The following ADCY9 variants were observed in gnomAD, a reference collection of about 807,000 sequenced individuals.
ADCY9 encodes the protein adenylate cyclase type 9.
ADCY9 carries 50 observed loss-of-function variants against 101.5 expected under a neutral mutation model. That is an observed-to-expected ratio of 0.49 (90% CI 0.39 to 0.62). The LOEUF (loss-of-function observed/expected upper bound fraction) is 0.62. Ranked by LOEUF, ADCY9 falls within the 20% of genes least tolerant of loss-of-function variation. The pLI, the probability that ADCY9 is intolerant of heterozygous loss-of-function variation, is 0.00. For missense variants in ADCY9, 1,662 were observed against 1,800.4 expected (o/e 0.92, Z 1.39); for synonymous variants, 905 against 769.3 (o/e 1.18, Z -2.92).
chr16:4,016,160 G>C (rs143731367), intron 2 of ADCY9, among the ~76,000 whole-genome samples: 3 of 152,168 alleles, frequency 2.0e-5, no homozygotes, highest in African/African-American at 7.2e-5. Flanking sequence ...CCCACAAGAA[G>C]AGAGTCATAT....
intron 2 of ADCY9, among the ~76,000 whole-genome samples, chr16:4,061,626 A>T (rs1374077850): frequency 1.3e-5 from 2 of 152,216 alleles, no homozygotes; most frequent in Non-Finnish European, 2.9e-5. Flanking sequence ...ACCATACCCC[A>T]AAACTAACAA....
chr16:4,010,708 C>A (rs1476378274), intron 2 of ADCY9, among the ~76,000 whole-genome samples: 2 of 152,150 alleles, frequency 1.3e-5, no homozygotes, highest in African/African-American at 4.8e-5. Flanking sequence ...CCAGGAAGCA[C>A]AGGAGGGGGC....
chr16:4,080,222 G>A (rs2056893021), intron 2 of ADCY9, among the ~76,000 whole-genome samples: 1 of 152,002 alleles, frequency 6.6e-6, no homozygotes, highest in Non-Finnish European at 1.5e-5. Context: ...AGAATTTAAA[G>A]AAGTTAACAG....
chr16:3,985,951 C>T (rs1470909927), intron 6 of ADCY9, among the ~76,000 whole-genome samples: 1 of 138,524 alleles, frequency 7.2e-6, no homozygotes, highest in Non-Finnish European at 1.6e-5. Context: ...TCCCCCACAT[C>T]ATGACACTCT....
chr16:3,968,371 A>G (rs1456086979), intron 10 of ADCY9, among the ~76,000 whole-genome samples: 1 of 151,460 alleles, frequency 6.6e-6, no homozygotes, highest in African/African-American at 2.4e-5. Context: ...ACCTCAGGTG[A>G]TCCGCCCACC....
In ADCY9 at chr16:3,963,771, C is replaced by A; in HGVS notation, c.*2004G>T. ...GGACATTCAAATATACACCTTAATA[C>A]TGATGCAGAAAGAGCTTCATGTGAC... is the stretch of plus-strand genomic sequence containing the variant. On this transcript the variant is annotated 3_prime_UTR_variant, in exon 11 of 11. Transcript: ENST00000294016. The A allele has an allele frequency of 5.9e-6, 1 of 168,146 alleles. No homozygotes were observed. Among genetic ancestry groups the A allele is most frequent in the Non-Finnish European group, 1.3e-5 (1 of 78,504 alleles). The allele number at this position is 168,146 out of a possible 1,614,324, so 10.4% of individuals were successfully genotyped here.
intron 2 of ADCY9, among the ~76,000 whole-genome samples, chr16:4,091,744 G>A (rs547380844): frequency 6.6e-5 from 10 of 152,302 alleles, no homozygotes; most frequent in Admixed American, 4.6e-4. Context: ...TATAAGAAAC[G>A]CCCAGACTCG....
In ADCY9 at chr16:4,055,813, G is replaced by A. The variant is rs867310209; in HGVS notation, c.1694-48255C>T. On this transcript the variant is annotated intron_variant, in intron 2 of 10. Transcript: ENST00000294016. ...GGTGCCACTGCACTCCAGCGTGGGC[G>A]ACAGAGCGAGGATCCGTTTCAAAAA... is the stretch of plus-strand genomic sequence containing the variant. Among the ~76,000 whole-genome samples the A allele has an allele frequency of 4.4e-4, 67 of 151,592 alleles. No individual in the cohort carries two copies. The South Asian group carries it at 5.2e-3, about 12-fold the overall frequency.
intron 2 of ADCY9, among the ~76,000 whole-genome samples, chr16:4,090,490 G>A (rs900648780): frequency 1.1e-4 from 16 of 152,016 alleles, no homozygotes; most frequent in South Asian, 2.1e-4. Context: ...TTTTAAAAAC[G>A]TTCTATATTA....
chr16:4,071,013 A>C (rs2056830235), intron 2 of ADCY9, among the ~76,000 whole-genome samples: 1 of 151,496 alleles, frequency 6.6e-6, no homozygotes, highest in Non-Finnish European at 1.5e-5. Context: ...TTCTTGACCC[A>C]TCAAAGAGGC....
At chr16:4,096,419 G>A (rs544233190) in intron 2 of ADCY9, among the ~76,000 whole-genome samples, 1 of 152,254 alleles carries the variant, frequency 6.6e-6, no homozygotes. Context: ...GTTAGTGGAG[G>A]AAATGTATTA....
chr16:4,030,839 G>A (rs2056550676), intron 2 of ADCY9, among the ~76,000 whole-genome samples: 1 of 152,182 alleles, frequency 6.6e-6, no homozygotes. Context: ...GGAGGGACAC[G>A]AGGGAGGCTT....
At chr16:4,071,332 CAAAAAA>C (rs530420293) in intron 2 of ADCY9, among the ~76,000 whole-genome samples, 2 of 70,520 alleles carry the variant, frequency 2.8e-5, no homozygotes, top group African/African-American at 5.5e-5. Flanking sequence ...ACTCAGTCTC[CAAAAAA>C]AAAAAAAAAA....
chr16:4,037,917 G>A (rs1056120786), intron 2 of ADCY9, among the ~76,000 whole-genome samples: 1 of 152,174 alleles, frequency 6.6e-6, no homozygotes, highest in African/African-American at 2.4e-5. Flanking sequence ...TGAAACCTAT[G>A]TGCTATGGTC....
At position 4,102,421 on chromosome 16, in the gene ADCY9, CTTTG is replaced by C. The variant is rs757283718; in HGVS notation, c.1693+11325_1693+11328del. ...ACAGAAACAAAGTTGATGGTTGTTTCTTTGTTTGTTTGTTTGTTTTTGAGATGGA... is the reference window on the plus strand; with the variant it reads ...ACAGAAACAAAGTTGATGGTTGTTTCTTTGTTTGTTTGTTTTTGAGATGGA... On this transcript the variant is annotated intron_variant, in intron 2 of 10. Coordinates refer to ENST00000294016, the MANE Select transcript of ADCY9 (RefSeq NM_001116.4). Among the ~76,000 whole-genome samples the C allele has an allele frequency of 5.8e-4, 88 of 152,168 alleles. No homozygotes were observed. In the South Asian group the frequency reaches 6.2e-3, roughly 11 times the overall value.
intron 2 of ADCY9, among the ~76,000 whole-genome samples, chr16:4,036,466 T>TTTG (rs1188737143): frequency 5.1e-5 from 7 of 136,776 alleles, no homozygotes; most frequent in African/African-American, 1.6e-4. Flanking sequence ...TTGTTTGTTT[T>TTTG]TTTTTTTTTT....
In ADCY9 at chr16:3,990,176, T is replaced by C. The variant is rs570362872; in HGVS notation, c.2208-1080A>G. Among the ~76,000 whole-genome samples the C allele has an allele frequency of 3.7e-4, 57 of 152,236 alleles. 1 individual carries two copies. Among genetic ancestry groups the C allele is most frequent in the Admixed American group, 2.8e-3 (43 of 15,274 alleles). ...CATACAGTGACTATCAGAAGTAAATTAGACGAGGCTGGGCGCGGTGGCTCA... is the reference window on the plus strand; with the variant it reads ...CATACAGTGACTATCAGAAGTAAATCAGACGAGGCTGGGCGCGGTGGCTCA... On this transcript the variant is annotated intron_variant, in intron 5 of 10. Transcript: ENST00000294016.
chr16:4,078,421 G>A (rs940619137), intron 2 of ADCY9, among the ~76,000 whole-genome samples: 1 of 152,056 alleles, frequency 6.6e-6, no homozygotes, highest in African/African-American at 2.4e-5. Context: ...AAATTAGCCA[G>A]GTGTGGTGGT....
rs80248440 is a variant in ADCY9, at chr16:3,957,343, A to C, written c.568-3827T>G. 2.9e-3 allele frequency among the ~76,000 whole-genome samples: 442 copies of C among 152,352 alleles called. 2 individuals carry two copies. Among genetic ancestry groups the C allele is most frequent in the African/African-American group, 9.9e-3 (412 of 41,586 alleles). On this transcript the variant is annotated intron_variant, in intron 5 of 5. Transcript: ENST00000576936. ...CTCGTTGGCAGAAAAGCATAGCATA[A>C]CAGCAGACTATCTTCCAGGTAGAGG...
Sources: gnomAD v4.1 joint callset for allele counts (sites outside exome capture counted in the v4.1 genomes callset) on GRCh38, gnomAD v4.1.1 for gene constraint, MANE v1.5 for transcripts, NCBI Gene and HGNC (gene_info 2026-07-23, HGNC 2026-07-21) for gene names.